Variants in TNFRSF10D observed in about 807,000 individuals in gnomAD.
The protein encoded by TNFRSF10D is tumor necrosis factor receptor superfamily member 10D.
A neutral mutation model predicts 42.1 loss-of-function variants in TNFRSF10D; 28 were observed. That is an observed-to-expected ratio of 0.66 (90% confidence interval 0.49 to 0.91). The LOEUF is 0.91. TNFRSF10D is among the 40% of genes least tolerant of loss of function. TNFRSF10D has a pLI of 0.00. For synonymous variants in TNFRSF10D, 186 were observed against 189.4 expected, an observed-to-expected ratio of 0.98 and a Z score of 0.15; for missense variants, 503 against 486.1, an observed-to-expected ratio of 1.03 and a Z score of -0.33.
At chr8:23,157,098 T>C (rs1353781771) in intron 1 of TNFRSF10D, among the ~76,000 whole-genome samples, 1 of 152,206 alleles carries the variant, frequency 6.6e-6, no homozygotes, top group Non-Finnish European at 1.5e-5. Context: ...TCAGTAGTTT[T>C]TTAATATACT....
chr8:23,161,715 C>T (rs1197845345), intron 1 of TNFRSF10D, among the ~76,000 whole-genome samples: 621 of 151,568 alleles, frequency 4.1e-3, no homozygotes, highest in African/African-American at 0.013. Context: ...CTTTTACTTC[C>T]TAGACTAGCA....
At chr8:23,145,178 G>T in intron 5 of TNFRSF10D, 89 bp from the exon 6 acceptor site, 1 of 1,552,026 alleles carries the variant, frequency 6.4e-7, no homozygotes, top group Non-Finnish European at 8.8e-7. Flanking sequence ...GGCTGGCTGG[G>T]GGCTGGGACA....
intron 7 of TNFRSF10D, among the ~76,000 whole-genome samples, chr8:23,140,992 C>T (rs189004015): frequency 6.1e-3 from 930 of 152,094 alleles, no homozygotes; most frequent in African/African-American, 0.019. Context: ...AAAACTAGAC[C>T]CCTACTTTTC....
Position 23,138,011 on chromosome 8 carries a change from G to C in TNFRSF10D, c.1028-8C>G. 6.2e-7 allele frequency: 1 copy of C among 1,613,946 alleles called. No homozygotes were observed. The highest frequency in any genetic ancestry group is 1.1e-5 in the South Asian group (1 of 91,064). ...CATCCAGCAAGGTGCTGACTGAGAA[G>C]AGAGAAGAGATTTAGGGTCTCAATG... On this transcript the variant is annotated splice_polypyrimidine_tract_variant and splice_region_variant and intron_variant, in intron 8 of 8. Transcript: ENST00000312584.
intron 2 of TNFRSF10D, among the ~76,000 whole-genome samples, chr8:23,149,202 A>AG (rs1800176624): frequency 3.3e-5 from 5 of 150,536 alleles, no homozygotes; most frequent in Admixed American, 3.3e-4. Flanking sequence ...AAAAAAAAAA[A>AG]AAAAAGAAAA....
At chr8:23,148,737 C>T (rs1245943419) in intron 2 of TNFRSF10D, among the ~76,000 whole-genome samples, 186 bp from the exon 3 acceptor site, 1 of 151,986 alleles carries the variant, frequency 6.6e-6, no homozygotes, top group Non-Finnish European at 1.5e-5. Context: ...GCACTGCTGA[C>T]AGAAATATAA....
intron 7 of TNFRSF10D, among the ~76,000 whole-genome samples, chr8:23,143,399 T>A (rs988570861): frequency 5.9e-5 from 9 of 151,952 alleles, no homozygotes; most frequent in African/African-American, 2.2e-4. Context: ...GAGGCCAAGG[T>A]GAGAGGATGA....
chr8:23,153,875 C>T (rs142957843), intron 2 of TNFRSF10D, among the ~76,000 whole-genome samples: 927 of 152,180 alleles, frequency 6.1e-3, no homozygotes, highest in African/African-American at 0.019. Flanking sequence ...ATTGTGTATA[C>T]ATCCAAAGGA....
At chr8:23,146,597 G>A (rs1413526524) in intron 4 of TNFRSF10D, among the ~76,000 whole-genome samples, 2 of 152,072 alleles carry the variant, frequency 1.3e-5, no homozygotes, top group Admixed American at 6.5e-5. Flanking sequence ...CTTAGAGTAA[G>A]GAAAAATACA....
Position 23,163,071 on chromosome 8 carries a change from G to C in TNFRSF10D, c.150+715C>G, listed in dbSNP as rs567657302. Among the ~76,000 whole-genome samples the C allele has an allele frequency of 2.7e-5, 4 of 148,952 alleles. No individual in the cohort carries two copies. The East Asian group carries it at 7.9e-4, about 30-fold the overall frequency. ...TGAGTAGCTGGGACTACAGGCGCAGGCTGCCACGCCTGGCTAACTTTTTTT... is the reference window on the plus strand; with the variant it reads ...TGAGTAGCTGGGACTACAGGCGCAGCCTGCCACGCCTGGCTAACTTTTTTT... On this transcript the variant is annotated intron_variant, in intron 1 of 8. Coordinates refer to ENST00000312584, the MANE Select transcript of TNFRSF10D (RefSeq NM_003840.5).
chr8:23,157,800 G>T (rs111717962), intron 1 of TNFRSF10D, among the ~76,000 whole-genome samples: 905 of 152,154 alleles, frequency 5.9e-3, no homozygotes, highest in African/African-American at 0.019. Context: ...TCCTAAAATT[G>T]TTACAGTAGG....
intron 1 of TNFRSF10D, among the ~76,000 whole-genome samples, chr8:23,163,096 T>C (rs1800397578): frequency 1.5e-5 from 2 of 132,542 alleles, no homozygotes; most frequent in African/African-American, 5.7e-5. Flanking sequence ...TAACTTTTTT[T>C]TTTTTTTTTT....
chr8:23,144,325 C>G, intron 7 of TNFRSF10D, 125 bp downstream of exon 7: 1 of 1,135,508 alleles, frequency 8.8e-7, no homozygotes, highest in Non-Finnish European at 1.2e-6. Context: ...CCCCTGCAGT[C>G]CCCTGTCTCC....
In TNFRSF10D at chr8:23,144,465, C is replaced by T. The variant is rs1460494931; in HGVS notation, c.939G>A (p.Glu313=). 1.9e-6 allele frequency: 3 copies of T among 1,613,906 alleles called. No homozygotes were observed. The highest frequency in any genetic ancestry group is 2.7e-5 in the African/African-American group (2 of 74,952). Residue 313 remains glutamate, a synonymous_variant, in exon 7 of 9, where the codon GAG becomes GAA. Transcript: ENST00000312584. Reference sequence around the variant, plus strand: ...CTCAACTCACCAGCAGACGCTGTGGCTCCTCTGGCAACTCTACAGTCACAC... The same window carrying T: ...CTCAACTCACCAGCAGACGCTGTGGTTCCTCTGGCAACTCTACAGTCACAC... ...LTGVTVELPE[E]PQRLLEQAEA...
At position 23,153,694 on chromosome 8, in the gene TNFRSF10D, G is replaced by A. The variant is rs1032934100; in HGVS notation, c.256+1180C>T. The stretch of plus-strand genomic sequence containing the variant: ...AATACCACTTCACACCTGTAAAAAT[G>A]GCTATTACCAAAAAGACAAAAGATA... On this transcript the variant is annotated intron_variant, in intron 2 of 8. Transcript: ENST00000312584. 5.3e-5 allele frequency among the ~76,000 whole-genome samples: 8 copies of A among 152,238 alleles called. No homozygotes were observed. The East Asian group carries it at 1.5e-3, about 29-fold the overall frequency.
chr8:23,147,071 A>T lies in TNFRSF10D; in HGVS notation c.372T>A (p.Gly124=), dbSNP rs1436835926. The part of the protein sequence containing the change: ...SCLLCTVCKS[G]QTNKSSCTTT... The stretch of plus-strand genomic sequence containing the variant: ...TGGTACAGGAACTTTTATTTGTTTG[A>T]CCTGACAACAGAGCATAAGGTTTTG... Residue 124 remains glycine, a splice_region_variant and synonymous_variant, in exon 4 of 9, where the codon GGT becomes GGA. Coordinates refer to ENST00000312584, the MANE Select transcript of TNFRSF10D (RefSeq NM_003840.5). 5.6e-6 allele frequency: 9 copies of T among 1,612,670 alleles called. No individual in the cohort carries two copies. The highest frequency in any genetic ancestry group is 7.6e-6 in the Non-Finnish European group (9 of 1,179,100).
chr8:23,144,522 T>A lies in TNFRSF10D; in HGVS notation c.882A>T (p.Glu294Asp). The change falls in exon 7 of 9, where the codon GAA (glutamate) becomes GAT (aspartate). Residue 294 changes from glutamate to aspartate, a missense_variant. Physicochemically the swap from Glu to Asp is conservative, Grantham distance 45 (BLOSUM62 2). Transcript: ENST00000312584. ...GCTCTGCCAGCTCCTGACCTTGGAT[T>A]TCCTGCTCAGAGACCTGGGTGGGCT... Reference protein sequence around the residue: ...YLQPTQVSEQEIQGQELAELT... With the variant: ...YLQPTQVSEQDIQGQELAELT... The A allele has an allele frequency of 6.2e-7, 1 of 1,614,192 alleles. No individual in the cohort carries two copies. The highest frequency in any genetic ancestry group is 8.5e-7 in the Non-Finnish European group (1 of 1,180,022).
rs145260495 is a variant in TNFRSF10D at position 23,154,917 on chromosome 8, T to C, written c.213A>G (p.Pro71=). The C allele has an allele frequency of 3.6e-4, 578 of 1,614,022 alleles. No individual in the cohort carries two copies. Among genetic ancestry groups the C allele is most frequent in the Non-Finnish European group, 4.6e-4 (543 of 1,179,930 alleles). The change falls in exon 2 of 9, where the codon CCA becomes CCG. Residue 71 remains proline, a synonymous_variant. Coordinates refer to ENST00000312584, the MANE Select transcript of TNFRSF10D (RefSeq NM_003840.5). The stretch of plus-strand genomic sequence containing the variant: ...CCTTGAGGCTGCGCCTCTGTTGCTG[T>C]GGGGCCACTGTCTGCTGGGGAACTT... ...QDEVPQQTVA[P]QQQRRSLKEE...
In TNFRSF10D at chr8:23,164,027, T is replaced by C; in HGVS notation, c.-92A>G. The C allele has an allele frequency of 7.1e-7, 1 of 1,403,618 alleles. No individual in the cohort carries two copies. Among genetic ancestry groups the C allele is most frequent in the Non-Finnish European group, 9.4e-7 (1 of 1,063,574 alleles). The allele number at this position is 1,403,618 out of a possible 1,614,324, so 86.9% of individuals were successfully genotyped here. A position where few individuals can be genotyped will look rare whatever the true frequency, so the allele number is the denominator to read the frequency against. ...CGTGCAAAGGTTCTCGCAGCTACAC[T>C]GCCAGAATAGAACGTGCTCCTCCGC... is the stretch of plus-strand genomic sequence containing the variant. On this transcript the variant is annotated 5_prime_UTR_variant, in exon 1 of 9. Coordinates refer to ENST00000312584, the MANE Select transcript of TNFRSF10D (RefSeq NM_003840.5).
Sources: gnomAD v4.1 joint callset for allele counts (sites outside exome capture counted in the v4.1 genomes callset) on GRCh38, gnomAD v4.1.1 for gene constraint, MANE v1.5 for transcripts, NCBI Gene and HGNC (gene_info 2026-07-23, HGNC 2026-07-21) for gene names.